GFOD1: variants seen among roughly 807,000 people sequenced by gnomAD.
The protein encoded by GFOD1 is Gfo/Idh/MocA-like oxidoreductase domain containing 1.
Under a neutral mutation model 25.4 loss-of-function variants are expected in GFOD1, and 9 were observed. That is an observed-to-expected ratio of 0.35 (90% CI 0.21 to 0.62). The LOEUF (loss-of-function observed/expected upper bound fraction) is 0.62, where lower values mean the gene tolerates loss of function less well. GFOD1 is among the 20% of genes least tolerant of loss of function. The pLI is 0.72. For missense variants in GFOD1, 403 were observed against 556.9 expected (o/e 0.72, Z 2.78); for synonymous variants, 253 against 245.6 (o/e 1.03, Z -0.28).
intron 1 of GFOD1, among the ~76,000 whole-genome samples, chr6:13,444,475 C>T (rs1357897170): frequency 6.6e-6 from 1 of 151,350 alleles, no homozygotes; most frequent in Non-Finnish European, 1.5e-5. Flanking sequence ...ATGAGTTTAC[C>T]TAGCTAACAA....
chr6:13,381,916 C>T (rs201308328), intron 1 of GFOD1, among the ~76,000 whole-genome samples: 4,007 of 22,042 alleles, frequency 0.18, 175 homozygotes, highest in East Asian at 0.48. Context: ...CGCGCGCGCG[C>T]ACACACACAC....
chr6:13,390,061 C>A (rs1432945123), intron 1 of GFOD1, among the ~76,000 whole-genome samples: 1 of 152,130 alleles, frequency 6.6e-6, no homozygotes, highest in South Asian at 2.1e-4. Context: ...CAACTTAAGT[C>A]CCACCACCTC....
At chr6:13,434,061 G>A (rs1465023925) in intron 1 of GFOD1, among the ~76,000 whole-genome samples, 2 of 152,264 alleles carry the variant, frequency 1.3e-5, no homozygotes, top group African/African-American at 4.8e-5. Flanking sequence ...TACAGCCTGT[G>A]TGGGGCAAGT....
chr6:13,450,944 C>T lies in GFOD1; in HGVS notation c.253+35694G>A, dbSNP rs185687143. Among the ~76,000 whole-genome samples the T allele has an allele frequency of 6.6e-3, 1,010 of 152,298 alleles. 5 individuals carry two copies. The highest frequency in any genetic ancestry group is 8.4e-3 in the Non-Finnish European group (573 of 68,024). On this transcript the variant is annotated intron_variant, in intron 1 of 1. Coordinates refer to ENST00000379287, the MANE Select transcript of GFOD1 (RefSeq NM_018988.4). ...CTGCACGATGAATAAATCAAGACTC[C>T]GGTGAGGTATGTAAATCCCAGGCCT...
At chr6:13,412,657 C>T (rs2127566449) in intron 1 of GFOD1, among the ~76,000 whole-genome samples, 1 of 152,324 alleles carries the variant, frequency 6.6e-6, no homozygotes, top group South Asian at 2.1e-4. Context: ...GGTGTCGACC[C>T]TGGGATGGGA....
rs1329942887 is a variant in GFOD1 at position 13,365,995 on chromosome 6, C to T, written c.254-333G>A. ...GCCGAAGTGGGAGGATCACTTGAGC[C>T]CAGGAGGTTGAGGCTGCAGTGAGCT... On this transcript the variant is annotated intron_variant, in intron 1 of 1. Coordinates refer to ENST00000379287, the MANE Select transcript of GFOD1 (RefSeq NM_018988.4). This position sits in a 1 kb window ranked among gnomAD's most constrained non-coding sequence, Gnocchi z 9.2. Among the ~76,000 whole-genome samples, 24 of 150,732 alleles carry T rather than the reference C, an allele frequency of 1.6e-4. No individual in the cohort carries two copies. The highest frequency in any genetic ancestry group is 1.6e-3 in the Admixed American group (24 of 15,172).
At chr6:13,367,285 G>A (rs749548122) in intron 1 of GFOD1, among the ~76,000 whole-genome samples, 4 of 152,162 alleles carry the variant, frequency 2.6e-5, no homozygotes, top group Non-Finnish European at 5.9e-5. Flanking sequence ...TTTGGCTAAT[G>A]TCTTCCCCTC....
intron 1 of GFOD1, among the ~76,000 whole-genome samples, chr6:13,431,574 A>G (rs965076529): frequency 7.2e-5 from 11 of 152,238 alleles, no homozygotes; most frequent in African/African-American, 2.7e-4. Flanking sequence ...ATGCCCTTTT[A>G]GCTACAGAGC....
At chr6:13,433,682 C>T (rs1249408063) in intron 1 of GFOD1, among the ~76,000 whole-genome samples, 1 of 152,054 alleles carries the variant, frequency 6.6e-6, no homozygotes, top group Non-Finnish European at 1.5e-5. Context: ...TTTCTTTTGT[C>T]CTTCATGTTG....
At chr6:13,390,789 AAGG>A (rs747692232) in intron 1 of GFOD1, among the ~76,000 whole-genome samples, 30 of 138,388 alleles carry the variant, frequency 2.2e-4, no homozygotes, top group Admixed American at 5.6e-4. Context: ...GAAAGGAAGG[AAGG>A]AAGGAAGGAA....
At chr6:13,433,631 C>A (rs527689120) in intron 1 of GFOD1, among the ~76,000 whole-genome samples, 1 of 152,120 alleles carries the variant, frequency 6.6e-6, no homozygotes, top group Non-Finnish European at 1.5e-5. Flanking sequence ...TGGAAGAAAG[C>A]CTTGAGGGGA....
chr6:13,428,212 T>G (rs1584645837), intron 1 of GFOD1, among the ~76,000 whole-genome samples: 1 of 152,190 alleles, frequency 6.6e-6, no homozygotes, highest in African/African-American at 2.4e-5. Context: ...CCAACCCACT[T>G]TGCGGTCTCT....
intron 1 of GFOD1, among the ~76,000 whole-genome samples, chr6:13,449,960 TG>T (rs1301495304): frequency 6.6e-6 from 1 of 152,252 alleles, no homozygotes; most frequent in Admixed American, 6.5e-5. Context: ...TAAGACTAAC[TG>T]GCTTTCCTGA....
chr6:13,377,435 A>G (rs774379830), intron 1 of GFOD1, among the ~76,000 whole-genome samples: 6 of 152,174 alleles, frequency 3.9e-5, no homozygotes, highest in African/African-American at 1.4e-4. Flanking sequence ...CCTTGTGGCT[A>G]TAGGACTGAG....
At chr6:13,391,789 C>T (rs1258126024) in intron 1 of GFOD1, among the ~76,000 whole-genome samples, 2 of 152,164 alleles carry the variant, frequency 1.3e-5, no homozygotes, top group East Asian at 1.9e-4. Context: ...ATAAGGGTAT[C>T]GACTTCATTG....
intron 1 of GFOD1, among the ~76,000 whole-genome samples, chr6:13,378,038 C>T (rs1471156827): frequency 6.6e-6 from 1 of 152,148 alleles, no homozygotes; most frequent in Admixed American, 6.5e-5. Flanking sequence ...CAGAAAAGGG[C>T]ACAAGGAAGA....
At chr6:13,483,783 G>C (rs2127580240) in intron 1 of GFOD1, among the ~76,000 whole-genome samples, 1 of 152,282 alleles carries the variant, frequency 6.6e-6, no homozygotes, top group Non-Finnish European at 1.5e-5. Flanking sequence ...TGACTCCGGG[G>C]GAGGTAGAGT....
At chr6:13,423,376 C>A (rs1425407495) in intron 1 of GFOD1, among the ~76,000 whole-genome samples, 3 of 152,164 alleles carry the variant, frequency 2.0e-5, no homozygotes, top group Non-Finnish European at 4.4e-5. Context: ...ATGCCTGACA[C>A]CATACCTGAC....
At chr6:13,426,907 T>A (rs1372169637) in intron 1 of GFOD1, among the ~76,000 whole-genome samples, 1 of 152,164 alleles carries the variant, frequency 6.6e-6, no homozygotes, top group Non-Finnish European at 1.5e-5. Context: ...TTGAGTCTCA[T>A]CTCTTTCTCA....
Sources: allele counts gnomAD v4.1 joint callset (sites outside exome capture counted in the v4.1 genomes callset), GRCh38; gene constraint gnomAD v4.1.1; non-coding constraint Gnocchi (gnomAD v3.1); transcripts MANE v1.5; gene names NCBI Gene and HGNC (gene_info 2026-07-23, HGNC 2026-07-21).